INTS13: variants seen among roughly 807,000 people sequenced by gnomAD.
The protein encoded by INTS13 is integrator complex subunit 13.
In INTS13, 35 loss-of-function variants were observed where a neutral mutation model predicts 90.2. The observed-to-expected ratio is 0.39, with a 90% CI of 0.30 to 0.51. The LOEUF (loss-of-function observed/expected upper bound fraction) is 0.51, where lower values mean the gene tolerates loss of function less well. Among genes scored for constraint, INTS13 ranks in the 20% least tolerant of loss-of-function variants. The pLI is 0.80. For missense variants in INTS13, 601 were observed against 851.2 expected, an observed-to-expected ratio of 0.71 and a Z score of 3.66; for synonymous variants, 309 against 277.1, an observed-to-expected ratio of 1.11 and a Z score of -1.14.
intron 12 of INTS13, 87 bp from the exon 13 acceptor site, chr12:26,914,215 A>AT: frequency 6.2e-6 from 8 of 1,292,300 alleles, no homozygotes; most frequent in Middle Eastern, 2.8e-4. Context: ...TTTCGAAAGG[A>AT]TTTTAAAGAT....
intron 8 of INTS13, among the ~76,000 whole-genome samples, chr12:26,920,838 T>A (rs1364202686): frequency 1.3e-5 from 2 of 152,240 alleles, no homozygotes; most frequent in Non-Finnish European, 2.9e-5. Flanking sequence ...TAATAGTTTC[T>A]TTCATGTTAG....
At chr12:26,935,206 G>T (rs1397872005) in intron 2 of INTS13, among the ~76,000 whole-genome samples, 1 of 152,198 alleles carries the variant, frequency 6.6e-6, no homozygotes, top group African/African-American at 2.4e-5. Flanking sequence ...CAAAATAATG[G>T]ATATGGTCTT....
chr12:26,918,845 T>C (rs1376285443), intron 8 of INTS13, among the ~76,000 whole-genome samples: 1 of 152,040 alleles, frequency 6.6e-6, no homozygotes, highest in South Asian at 2.1e-4. Context: ...TGAAGACTGG[T>C]CTGAGTTATA....
chr12:26,938,257 G>A (rs1250408297), upstream of INTS13: 5 of 152,164 alleles, frequency 3.3e-5, no homozygotes, highest in South Asian at 2.1e-4. Context: ...CTAAGCGTAC[G>A]ACCCACCCAC....
intron 6 of INTS13, 54 bp from the exon 7 acceptor site, chr12:26,924,537 C>T: frequency 6.6e-7 from 1 of 1,522,918 alleles, no homozygotes; most frequent in Non-Finnish European, 8.9e-7. Flanking sequence ...TCATTGTGAC[C>T]TACTGCTAAA....
intron 8 of INTS13, among the ~76,000 whole-genome samples, chr12:26,917,981 G>A (rs1951991066): frequency 6.6e-6 from 1 of 152,062 alleles, no homozygotes; most frequent in South Asian, 2.1e-4. Flanking sequence ...AATGTGCCAG[G>A]CGCAGTGGCA....
chr12:26,930,392 T>TA (rs1233049593), intron 3 of INTS13, among the ~76,000 whole-genome samples: 21 of 152,152 alleles, frequency 1.4e-4, no homozygotes, highest in African/African-American at 4.6e-4. Context: ...TTTTAAAACT[T>TA]ACTACAAAAC....
At chr12:26,924,789 T>C (rs1165147972) in intron 6 of INTS13, among the ~76,000 whole-genome samples, 1 of 152,194 alleles carries the variant, frequency 6.6e-6, no homozygotes, top group Non-Finnish European at 1.5e-5. Context: ...AATATATTTC[T>C]TTACAATTTT....
chr12:26,928,976 A>G, intron 3 of INTS13, 71 bp from the exon 4 acceptor site: 8 of 1,351,422 alleles, frequency 5.9e-6, no homozygotes, highest in Non-Finnish European at 8.3e-6. Flanking sequence ...ACAAGAAAGA[A>G]AACTACACAC....
chr12:26,922,499 T>G, intron 8 of INTS13, 117 bp downstream of exon 8: 23 of 628,410 alleles, frequency 3.7e-5, no homozygotes, highest in Middle Eastern at 2.6e-4. Flanking sequence ...CGAGACCATC[T>G]GAGATTTCAG....
Position 26,936,617 on chromosome 12 carries a change from A to C in INTS13, c.187T>G (p.Cys63Gly). 6.2e-7 allele frequency: 1 copy of C among 1,612,880 alleles called. No homozygotes were observed. The highest frequency in any genetic ancestry group is 1.1e-5 in the South Asian group (1 of 91,046). ...TCSVESSMEY[C>G]RIMYDIFPFK... is the part of the protein sequence containing the mutation. ...GGAAATATATCATACATTATTCTAC[A>C]ATATTCCATGGAAGATTCTACTGAG... is the stretch of plus-strand genomic sequence containing the variant. The change falls in exon 2 of 17, where the codon TGT (cysteine) becomes GGT (glycine). Residue 63 changes from cysteine (C) to glycine (G), a missense_variant. By Grantham distance (159) the Cys-to-Gly change is radical. Around this residue, in one of 3 missense-constraint regions of INTS13, gnomAD observed 284 missense variants for 387.7 expected, o/e 0.73. Coordinates refer to ENST00000261191, the MANE Select transcript of INTS13 (RefSeq NM_018164.3).
At chr12:26,929,053 A>C (rs373204737) in intron 3 of INTS13, 148 bp from the exon 4 acceptor site, 4 of 668,744 alleles carry the variant, frequency 6.0e-6, no homozygotes, top group East Asian at 2.7e-5. Context: ...ATCCAGTAAC[A>C]CACAAAGAAT....
At chr12:26,909,526 G>C (rs187375302) in intron 15 of INTS13, among the ~76,000 whole-genome samples, 29 of 149,150 alleles carry the variant, frequency 1.9e-4, no homozygotes, top group African/African-American at 7.0e-4. Context: ...GCCTGGGCTG[G>C]AGTGCAGTGG....
chr12:26,936,396 G>A (rs1048226633), intron 2 of INTS13, among the ~76,000 whole-genome samples, 183 bp downstream of exon 2: 1 of 152,184 alleles, frequency 6.6e-6, no homozygotes, highest in African/African-American at 2.4e-5. Context: ...ATAATTGTTA[G>A]CTGTTATTAT....
At chr12:26,912,163 A>G (rs930436739) in intron 14 of INTS13, among the ~76,000 whole-genome samples, 3 of 152,156 alleles carry the variant, frequency 2.0e-5, no homozygotes, top group African/African-American at 7.2e-5. Context: ...CGTCAGTCGC[A>G]GTGGCTCATG....
chr12:26,934,772 T>C (rs953436099), intron 2 of INTS13, 142 bp from the exon 3 acceptor site: 2 of 685,360 alleles, frequency 2.9e-6, no homozygotes, highest in Non-Finnish European at 5.1e-6. Context: ...GTGTAGTATA[T>C]GCCAGGTGCT....
At chr12:26,933,107 G>T (rs895246707) in intron 3 of INTS13, among the ~76,000 whole-genome samples, 1 of 152,134 alleles carries the variant, frequency 6.6e-6, no homozygotes, top group South Asian at 2.1e-4. Flanking sequence ...AAGAGTATAA[G>T]TCAAAGTTCT....
intron 5 of INTS13, among the ~76,000 whole-genome samples, chr12:26,927,840 T>A (rs1247630589): frequency 2.0e-5 from 3 of 152,144 alleles, no homozygotes; most frequent in Non-Finnish European, 4.4e-5. Flanking sequence ...GGTCTTGAAC[T>A]CCTGAGCTCA....
At chr12:26,905,633 C>A in intron 16 of INTS13, 97 bp from the exon 17 acceptor site, 2 of 1,190,152 alleles carry the variant, frequency 1.7e-6, no homozygotes. Flanking sequence ...ATAATATATT[C>A]ACAGAACAGA....
Sources: gnomAD v4.1 joint callset for allele counts (sites outside exome capture counted in the v4.1 genomes callset) on GRCh38, gnomAD v4.1.1 for gene constraint, gnomAD v4.1.1 regional missense constraint, MANE v1.5 for transcripts, NCBI Gene and HGNC (gene_info 2026-07-23, HGNC 2026-07-21) for gene names.